Variants in CHRNA4 observed in about 807,000 individuals in gnomAD.
CHRNA4 encodes the protein cholinergic receptor nicotinic alpha 4 subunit.
A neutral mutation model predicts 48.9 loss-of-function variants in CHRNA4; 28 were observed. The observed-to-expected ratio is 0.57, with a 90% confidence interval of 0.42 to 0.79. The LOEUF (loss-of-function observed/expected upper bound fraction) is 0.79, where lower values mean the gene tolerates loss of function less well. Among genes scored for constraint, CHRNA4 ranks in the 30% least tolerant of loss-of-function variants. CHRNA4 has a pLI of 0.00. For synonymous variants in CHRNA4, 425 were observed against 402.3 expected, an observed-to-expected ratio of 1.06 and a Z score of -0.68; for missense variants, 859 against 898.4, an observed-to-expected ratio of 0.96 and a Z score of 0.56.
At position 63,350,892 on chromosome 20, in the gene CHRNA4, C is replaced by T; in HGVS notation, c.519G>A (p.Gln173=). ...AGGAGCCGAATTTCATGGTGCAGTTCTGCTGGTCGAAGGGGAAGAAGGTGA... is the reference window on the plus strand; with the variant it reads ...AGGAGCCGAATTTCATGGTGCAGTTTTGCTGGTCGAAGGGGAAGAAGGTGA... ...IDVTFFPFDQ[Q]NCTMKFGSWT... is the part of the protein sequence containing the mutation. The change falls in exon 5 of 6, where the codon CAG becomes CAA. Residue 173 remains glutamine, a synonymous_variant. Transcript: ENST00000370263. 1 of 1,613,982 alleles carries T rather than the reference C, an allele frequency of 6.2e-7. No homozygotes were observed.
chr20:63,361,156 C>G lies in CHRNA4; in HGVS notation c.10G>C (p.Gly4Arg), dbSNP rs2068814329. Residue 4 changes from glycine to arginine, a missense_variant, in exon 1 of 6, where the codon GGG becomes CGG. Gly to Arg is a moderately radical substitution (Grantham distance 125, BLOSUM62 -2). Around this residue, in one of 3 missense-constraint regions of CHRNA4, gnomAD observed 342 missense variants for 365.3 expected, o/e 0.94. Coordinates refer to ENST00000370263, the MANE Select transcript of CHRNA4 (RefSeq NM_000744.7). ...AGCAGCCGCGGCGCTCCGGGGCCCC[C>G]TAGCTCCATGGCGCACGCACCTCGC... MEL[G>R]GPGAPRLLPP... is the part of the protein sequence containing the mutation. 1 of 1,481,350 alleles carries G rather than the reference C, an allele frequency of 6.8e-7. No homozygotes were observed. 91.8% of individuals were successfully genotyped at this position (1,481,350 alleles called of 1,614,324 possible). A position where few individuals can be genotyped will look rare whatever the true frequency, so the allele number is the denominator to read the frequency against.
Position 63,346,654 on chromosome 20 carries a change from G to A in CHRNA4, c.*84C>T, listed in dbSNP as rs200387748. The A allele has an allele frequency of 2.0e-6, 3 of 1,534,582 alleles. No homozygotes were observed. The highest frequency in any genetic ancestry group is 2.6e-6 in the Non-Finnish European group (3 of 1,144,280). ...CGTGTGGCCCCACAGAGTCCAGGGA[G>A]AAGCCAGCCCGGCCCCAGGCCGGCC... is the stretch of plus-strand genomic sequence containing the variant. On this transcript the variant is annotated 3_prime_UTR_variant, in exon 6 of 6. Coordinates refer to ENST00000370263, the MANE Select transcript of CHRNA4 (RefSeq NM_000744.7).
At chr20:63,352,257 C>G (rs1363766971) in intron 4 of CHRNA4, among the ~76,000 whole-genome samples, 1 of 152,196 alleles carries the variant, frequency 6.6e-6, no homozygotes, top group Non-Finnish European at 1.5e-5. Flanking sequence ...TGCCTGCCCC[C>G]GAGTCCCAGG....
chr20:63,348,217 C>T (rs867390239), intron 5 of CHRNA4, among the ~76,000 whole-genome samples: 18 of 152,222 alleles, frequency 1.2e-4, no homozygotes, highest in South Asian at 6.2e-4. Context: ...GGCGCGCGAC[C>T]GCCGAGCTCA....
chr20:63,348,234 C>T (rs2068527058), intron 5 of CHRNA4, among the ~76,000 whole-genome samples: 1 of 152,258 alleles, frequency 6.6e-6, no homozygotes, highest in Admixed American at 6.5e-5. Flanking sequence ...CTCAGACCCA[C>T]TGCCAGCTTC....
At chr20:63,352,472 C>G (rs1181587890) in intron 4 of CHRNA4, among the ~76,000 whole-genome samples, 1 of 152,320 alleles carries the variant, frequency 6.6e-6, no homozygotes, top group East Asian at 1.9e-4. Context: ...GGAGACCCAG[C>G]AAGAGCCACC....
chr20:63,361,122 A>AGCG lies in CHRNA4; in HGVS notation c.41_43dup (p.Pro14dup). On this transcript the variant is annotated inframe_insertion, in exon 1 of 6. Transcript: ENST00000370263. ...GAGGCCGGTCCCCAGAAGCAGCAGC[A>AGCG]GCGGCGGCAGCAGCCGCGGCGCTCC... is the stretch of plus-strand genomic sequence containing the variant. 6.8e-7 allele frequency: 1 copy of AGCG among 1,478,014 alleles called. No homozygotes were observed. The highest frequency in any genetic ancestry group is 2.9e-5 in the East Asian group (1 of 34,870). 91.6% of individuals were successfully genotyped at this position (1,478,014 alleles called of 1,614,324 possible).
At chr20:63,356,564 C>T (rs1223710308) in intron 2 of CHRNA4, 149 bp from the exon 3 acceptor site, 8 of 805,008 alleles carry the variant, frequency 9.9e-6, no homozygotes, top group Admixed American at 2.1e-5. Context: ...GTGCCCCGTC[C>T]CTGGAGGCAG....
In CHRNA4 at chr20:63,356,101, G is replaced by A. The variant is rs200373467; in HGVS notation, c.274-17C>T. ...GTGCCACTCCTGGATGAGGTGGGGC[G>A]GGGGGAGGCTGCAGGGTGAGGGGTG... On this transcript the variant is annotated splice_polypyrimidine_tract_variant and intron_variant, in intron 3 of 5. Coordinates refer to ENST00000370263, the MANE Select transcript of CHRNA4 (RefSeq NM_000744.7). 14 of 1,542,206 alleles carry A rather than the reference G, an allele frequency of 9.1e-6. No homozygotes were observed. Among genetic ancestry groups the A allele is most frequent in the Middle Eastern group, 1.8e-4 (1 of 5,448 alleles).
Position 63,347,263 on chromosome 20 carries a change from T to C in CHRNA4, c.1759-400A>G, listed in dbSNP as rs532426399. ...CGGTCTGCTCTCAGCTCACCAGCGCTGGGAGGGCCCATCCCCCTCCCCGTT... is the reference window on the plus strand; with the variant it reads ...CGGTCTGCTCTCAGCTCACCAGCGCCGGGAGGGCCCATCCCCCTCCCCGTT... On this transcript the variant is annotated intron_variant, in intron 5 of 5. Coordinates refer to ENST00000370263, the MANE Select transcript of CHRNA4 (RefSeq NM_000744.7). Among the ~76,000 whole-genome samples the C allele has an allele frequency of 6.6e-5, 10 of 152,254 alleles. No individual in the cohort carries two copies. In the East Asian group the frequency reaches 1.9e-3, roughly 29 times the overall value.
rs777698611 is a variant in CHRNA4, at chr20:63,350,625, C to T, written c.786G>A (p.Val262=). 22 of 1,613,844 alleles carry T rather than the reference C, an allele frequency of 1.4e-5. No individual in the cohort carries two copies. In the South Asian group the frequency reaches 2.3e-4, roughly 17 times the overall value. ...IPCLLISCLT[V]LVFYLPSECG... is the part of the protein sequence containing the mutation. Reference sequence around the variant, plus strand: ...ACTCGGAGGGCAGGTAGAAGACCAGCACGGTGAGGCAGGAGATGAGCAGGC... The same window carrying T: ...ACTCGGAGGGCAGGTAGAAGACCAGTACGGTGAGGCAGGAGATGAGCAGGC... Residue 262 remains valine, a synonymous_variant, in exon 5 of 6, where the codon GTG becomes GTA. Coordinates refer to ENST00000370263, the MANE Select transcript of CHRNA4 (RefSeq NM_000744.7).
rs777630161 is a variant in CHRNA4 at position 63,361,122 on chromosome 20, A to AGCGGCGGCAGCAGCC, written c.29_43dup (p.Arg10_Pro14dup). The AGCGGCGGCAGCAGCC allele has an allele frequency of 1.4e-5, 20 of 1,477,902 alleles. No homozygotes were observed. The highest frequency in any genetic ancestry group is 2.7e-6 in the Non-Finnish European group (3 of 1,120,246). 91.5% of individuals were successfully genotyped at this position (1,477,902 alleles called of 1,614,324 possible). On this transcript the variant is annotated inframe_insertion, in exon 1 of 6. Transcript: ENST00000370263. ...GAGGCCGGTCCCCAGAAGCAGCAGCAGCGGCGGCAGCAGCCGCGGCGCTCC... is the reference window on the plus strand; with the variant it reads ...GAGGCCGGTCCCCAGAAGCAGCAGCAGCGGCGGCAGCAGCCGCGGCGGCAGCAGCCGCGGCGCTCC...
chr20:63,349,827 C>T lies in CHRNA4; in HGVS notation c.1584G>A (p.Pro528=), dbSNP rs199783192. ...AELPPPDQPS[P]CKCTCKKEPS... ...GCTCCTTCTTGCATGTGCATTTGCACGGAGAGGGCTGGTCTGGGGGTGGGA... is the reference window on the plus strand; with the variant it reads ...GCTCCTTCTTGCATGTGCATTTGCATGGAGAGGGCTGGTCTGGGGGTGGGA... Residue 528 remains proline (P), a synonymous_variant, in exon 5 of 6, where the codon CCG becomes CCA. Coordinates refer to ENST00000370263, the MANE Select transcript of CHRNA4 (RefSeq NM_000744.7). 481 of 1,599,282 alleles carry T rather than the reference C, an allele frequency of 3.0e-4. 1 individual carries two copies. Among genetic ancestry groups the T allele is most frequent in the Non-Finnish European group, 3.8e-4 (446 of 1,169,926 alleles).
chr20:63,357,045 C>T (rs1490107487), intron 2 of CHRNA4, among the ~76,000 whole-genome samples: 5 of 121,496 alleles, frequency 4.1e-5, no homozygotes, highest in Non-Finnish European at 9.2e-5. Flanking sequence ...CACAGGACCA[C>T]AACCCACAGG....
At position 63,344,346 on chromosome 20, in the gene CHRNA4, C is replaced by T. The variant is rs1361795714; in HGVS notation, c.*2392G>A. On this transcript the variant is annotated 3_prime_UTR_variant, in exon 6 of 6. Transcript: ENST00000370263. The surrounding 1 kb of genome is among the most constrained non-coding windows in gnomAD (Gnocchi z 4.5). ...TGGAGGGACCTTCTAGGGGCTGGGT[C>T]TCCACTGAAGAGCATGCATCTCACC... 3 of 453,928 alleles carry T rather than the reference C, an allele frequency of 6.6e-6. No individual in the cohort carries two copies. Among genetic ancestry groups the T allele is most frequent in the Non-Finnish European group, 1.3e-5 (3 of 226,800 alleles). 28.1% of individuals were successfully genotyped at this position (453,928 alleles called of 1,614,324 possible). A position where few individuals can be genotyped will look rare whatever the true frequency, so the allele number is the denominator to read the frequency against.
At chr20:63,354,587 G>C (rs1426049046) in intron 4 of CHRNA4, 3 of 592,530 alleles carry the variant, frequency 5.1e-6, no homozygotes, top group Non-Finnish European at 6.0e-6. Flanking sequence ...CTGTGGAAGT[G>C]GGGGGGGCTG....
chr20:63,353,701 TG>T (rs1167179025), intron 4 of CHRNA4, among the ~76,000 whole-genome samples: 4 of 28,848 alleles, frequency 1.4e-4, no homozygotes, highest in African/African-American at 2.8e-4. Context: ...GCTGTGGTCC[TG>T]GGGGGGCTGC....
chr20:63,350,986 T>C lies in CHRNA4; in HGVS notation c.425A>G (p.His142Arg), dbSNP rs200550248. 1.9e-6 allele frequency: 3 copies of C among 1,613,350 alleles called. No individual in the cohort carries two copies. The highest frequency in any genetic ancestry group is 2.5e-6 in the Non-Finnish European group (3 of 1,179,954). ...DFAVTHLTKA[H>R]LFHDGRVQWT... ...CTGCACCCGCCCGTCATGGAACAGG[T>C]GGGCCTTGGTCAGGTGGGTGACCGC... is the stretch of plus-strand genomic sequence containing the variant. The change falls in exon 5 of 6, where the codon CAC becomes CGC. Residue 142 changes from histidine (H) to arginine (R), a missense_variant. Around this residue, in one of 3 missense-constraint regions of CHRNA4, gnomAD observed 342 missense variants for 365.3 expected, o/e 0.94. Transcript: ENST00000370263.
Position 63,343,458 on chromosome 20 carries a change from G to C in CHRNA4, c.*3280C>G, listed in dbSNP as rs201778624. The C allele has an allele frequency of 2.2e-6, 1 of 454,136 alleles. No individual in the cohort carries two copies. The highest frequency in any genetic ancestry group is 6.9e-5 in the East Asian group (1 of 14,400). The allele number at this position is 454,136 out of a possible 1,614,324, so 28.1% of individuals were successfully genotyped here. ...AAGGACTCAGCCACTTTAGAAATCC[G>C]AAGCCGCCTCTGCTCCAGGGGACAC... On this transcript the variant is annotated 3_prime_UTR_variant, in exon 6 of 6. Coordinates refer to ENST00000370263, the MANE Select transcript of CHRNA4 (RefSeq NM_000744.7).
Sources: gnomAD v4.1 joint callset for allele counts (sites outside exome capture counted in the v4.1 genomes callset) on GRCh38, gnomAD v4.1.1 for gene constraint, gnomAD v4.1.1 regional missense constraint, Gnocchi (gnomAD v3.1) non-coding constraint, MANE v1.5 for transcripts, NCBI Gene and HGNC (gene_info 2026-07-23, HGNC 2026-07-21) for gene names.